Variants in SCAF4 observed in about 807,000 individuals in gnomAD.
SCAF4 encodes the protein SR-related CTD associated factor 4.
SCAF4 carries 25 observed loss-of-function variants against 129.8 expected under a neutral mutation model. The ratio of observed to expected loss-of-function variants is 0.19; its 90% CI spans 0.14 to 0.27. The LOEUF (loss-of-function observed/expected upper bound fraction) is 0.27, where lower values mean the gene tolerates loss of function less well. Among genes scored for constraint, SCAF4 ranks in the 10% least tolerant of loss-of-function variants. The probability of loss-of-function intolerance (pLI) is 1.00; values close to 1 mark genes in which losing one functional copy is unlikely to be tolerated. For missense variants in SCAF4, 1,246 were observed against 1,457.1 expected (o/e 0.86, Z 2.36); for synonymous variants, 551 against 497.7 (o/e 1.11, Z -1.43).
chr21:31,709,454 GA>G (rs1407482859), intron 1 of SCAF4, among the ~76,000 whole-genome samples: 6 of 151,916 alleles, frequency 3.9e-5, no homozygotes, highest in African/African-American at 1.5e-4. Flanking sequence ...ACCTAAGCCA[GA>G]GCTAATATTC....
At chr21:31,726,235 C>T (rs2051200739) in intron 1 of SCAF4, among the ~76,000 whole-genome samples, 1 of 152,038 alleles carries the variant, frequency 6.6e-6, no homozygotes, top group South Asian at 2.1e-4. Flanking sequence ...TTAGTAGAGA[C>T]GGGGTTTCAC....
At position 31,701,599 on chromosome 21, in the gene SCAF4, T is replaced by C. The variant is rs151236884; in HGVS notation, c.600+177A>G. On this transcript the variant is annotated intron_variant, in intron 6 of 19. Transcript: ENST00000286835. Reference sequence around the variant, plus strand: ...ATTTCTAAGTGTGTTGTTCCCTTGTTTATCACTTCTACATTTTCCCTGTTC... The same window carrying C: ...ATTTCTAAGTGTGTTGTTCCCTTGTCTATCACTTCTACATTTTCCCTGTTC... 2.1e-3 allele frequency among the ~76,000 whole-genome samples: 327 copies of C among 152,368 alleles called. 17 individuals carry two copies. The Middle Eastern group carries it at 0.027, about 13-fold the overall frequency.
intron 7 of SCAF4, 144 bp downstream of exon 7, chr21:31,700,851 G>A (rs776262613): frequency 2.0e-5 from 19 of 939,488 alleles, no homozygotes; most frequent in Middle Eastern, 2.1e-4. Context: ...GAAAATAATC[G>A]ATGTTTTCTT....
At chr21:31,680,097 A>C (rs968501362) in intron 19 of SCAF4, among the ~76,000 whole-genome samples, 1 of 152,222 alleles carries the variant, frequency 6.6e-6, no homozygotes, top group Non-Finnish European at 1.5e-5. Context: ...GCCCAGAGTT[A>C]CTGCCCCTCC....
At chr21:31,694,698 T>C (rs2050341553) in intron 10 of SCAF4, 115 bp downstream of exon 10, 7 of 1,007,690 alleles carry the variant, frequency 6.9e-6, no homozygotes, top group Non-Finnish European at 1.0e-5. Context: ...GGGTTTAATA[T>C]GTACCCAGGT....
At chr21:31,730,203 T>G (rs1326034393) in intron 1 of SCAF4, among the ~76,000 whole-genome samples, 9 of 152,206 alleles carry the variant, frequency 5.9e-5, no homozygotes, top group Admixed American at 5.9e-4. Flanking sequence ...GGAGCCAACA[T>G]GCCAGTGAAT....
intron 2 of SCAF4, 90 bp from the exon 3 acceptor site, chr21:31,705,557 C>T: frequency 1.9e-6 from 1 of 517,170 alleles, no homozygotes; most frequent in Non-Finnish European, 3.3e-6. Context: ...GAAATCTATA[C>T]AATCTAAATA....
intron 1 of SCAF4, among the ~76,000 whole-genome samples, chr21:31,725,309 A>G (rs2051175414): frequency 6.6e-6 from 1 of 152,206 alleles, no homozygotes; most frequent in East Asian, 1.9e-4. Context: ...CAGATGAACT[A>G]AATTCTAGAA....
At chr21:31,712,370 A>C (rs575496306) in intron 1 of SCAF4, among the ~76,000 whole-genome samples, 3 of 151,152 alleles carry the variant, frequency 2.0e-5, no homozygotes, top group African/African-American at 7.3e-5. Context: ...GACGTGCACC[A>C]CCACACCCAG....
At position 31,671,283 on chromosome 21, in the gene SCAF4, C is replaced by T; in HGVS notation, c.*116G>A. 8.5e-7 allele frequency: 1 copy of T among 1,174,348 alleles called. No individual in the cohort carries two copies. The highest frequency in any genetic ancestry group is 1.2e-6 in the Non-Finnish European group (1 of 865,696). 72.7% of individuals were successfully genotyped at this position (1,174,348 alleles called of 1,614,324 possible). ...GAAGCAATCAAATTGCTTACAGTTC[C>T]CCACCAGCTGGCGCGGGGCTGCAGT... On this transcript the variant is annotated 3_prime_UTR_variant, in exon 20 of 20. Coordinates refer to ENST00000286835, the MANE Select transcript of SCAF4 (RefSeq NM_020706.2).
intron 16 of SCAF4, 140 bp from the exon 17 acceptor site, chr21:31,685,873 G>C (rs900841372): frequency 1.3e-6 from 1 of 782,496 alleles, no homozygotes; most frequent in Non-Finnish European, 2.0e-6. Context: ...TAAATAACAG[G>C]TGGTAGTTAA....
chr21:31,731,739 C>G lies in SCAF4; in HGVS notation c.-47G>C. On this transcript the variant is annotated 5_prime_UTR_variant, in exon 1 of 20. Transcript: ENST00000286835. ...GCTCCGGGCCCGCCGGTCACATAGACCTCGCGCCGCGGCGGAGCGGGGCTG... is the reference window on the plus strand; with the variant it reads ...GCTCCGGGCCCGCCGGTCACATAGAGCTCGCGCCGCGGCGGAGCGGGGCTG... 3.9e-6 allele frequency: 6 copies of G among 1,555,718 alleles called. No individual in the cohort carries two copies. Among genetic ancestry groups the G allele is most frequent in the Non-Finnish European group, 5.2e-6 (6 of 1,158,866 alleles).
chr21:31,688,335 G>A lies in SCAF4; in HGVS notation c.2015C>T (p.Pro672Leu), dbSNP rs1427430861. The change falls in exon 16 of 20, where the codon CCT becomes CTT. Residue 672 changes from proline to leucine, a missense_variant. Transcript: ENST00000286835. ...TGGAGGTGGCACTGTTATAGGTGCAGGAACAGGAATAGGAGGGACAGGCAC... is the reference window on the plus strand; with the variant it reads ...TGGAGGTGGCACTGTTATAGGTGCAAGAACAGGAATAGGAGGGACAGGCAC... ...LPVPVPPIPV[P>L]APITVPPPQV... The A allele has an allele frequency of 1.9e-6, 3 of 1,613,492 alleles. No homozygotes were observed. Among genetic ancestry groups the A allele is most frequent in the African/African-American group, 1.3e-5 (1 of 74,846 alleles).
chr21:31,728,944 G>C (rs941658061), intron 1 of SCAF4, among the ~76,000 whole-genome samples: 2 of 152,156 alleles, frequency 1.3e-5, no homozygotes, highest in African/African-American at 4.8e-5. Flanking sequence ...GGGGACAAAA[G>C]GTGCTTATAA....
Position 31,671,585 on chromosome 21 carries a change from C to T in SCAF4, c.3258G>A (p.Arg1086=), listed in dbSNP as rs1568815429. 2 of 1,614,114 alleles carry T rather than the reference C, an allele frequency of 1.2e-6. No homozygotes were observed. The highest frequency in any genetic ancestry group is 1.7e-6 in the Non-Finnish European group (2 of 1,179,994). ...GTTCAACGGTTTTGTTACCACCTGC[C>T]CTGTCTGTCACCTCAGGCTTTTCCT... ...RGKEKPEVTD[R]AGGNKTVEPP... is the part of the protein sequence containing the mutation. Residue 1086 remains arginine, a synonymous_variant, in exon 20 of 20, where the codon AGG becomes AGA. Transcript: ENST00000286835.
intron 16 of SCAF4, among the ~76,000 whole-genome samples, chr21:31,685,959 T>C (rs1410559161): frequency 6.6e-6 from 1 of 152,034 alleles, no homozygotes; most frequent in Non-Finnish European, 1.5e-5. Context: ...TCCCAGCATT[T>C]TGGGAGGCCG....
At chr21:31,719,501 C>A (rs188024543) in intron 1 of SCAF4, among the ~76,000 whole-genome samples, 221 of 151,576 alleles carry the variant, frequency 1.5e-3, no homozygotes, top group East Asian at 0.011. Flanking sequence ...TATTATTATT[C>A]TTCTTTTTTT....
At chr21:31,677,185 C>T (rs557804288) in intron 19 of SCAF4, among the ~76,000 whole-genome samples, 155 of 152,272 alleles carry the variant, frequency 1.0e-3, no homozygotes, top group African/African-American at 3.6e-3. Flanking sequence ...CACATTACTC[C>T]TACTGTCTGT....
At chr21:31,712,920 T>G in intron 1 of SCAF4, 1 of 953,038 alleles carries the variant, frequency 1.0e-6, no homozygotes, top group Non-Finnish European at 1.2e-6. Context: ...AATCAGTGCT[T>G]AATAAATGTC....
Sources: allele counts gnomAD v4.1 joint callset (sites outside exome capture counted in the v4.1 genomes callset), GRCh38; gene constraint gnomAD v4.1.1; transcripts MANE v1.5; gene names NCBI Gene and HGNC (gene_info 2026-07-23, HGNC 2026-07-21).